The following RASA2 variants were observed in gnomAD, a reference collection of about 807,000 sequenced individuals.
RASA2 encodes ras GTPase-activating protein 2.
RASA2 carries 155 observed loss-of-function variants against 118.2 expected under a neutral mutation model. The observed-to-expected ratio is 1.31, with a 90% confidence interval of 1.15 to 1.50. RASA2 has a LOEUF of 1.50. RASA2 is among the 40% of genes most tolerant of loss of function. RASA2 has a pLI of 0.00. For missense variants in RASA2, 1,016 were observed against 1,009.6 expected (o/e 1.01, Z -0.09); for synonymous variants, 353 against 349.1 (o/e 1.01, Z -0.12).
intron 1 of RASA2, among the ~76,000 whole-genome samples, chr3:141,501,112 T>C (rs2081772388): frequency 6.6e-6 from 1 of 152,234 alleles, no homozygotes; most frequent in Non-Finnish European, 1.5e-5. Flanking sequence ...TTCTAGATGG[T>C]CACAAATTAT....
chr3:141,495,635 G>A (rs1327125856), intron 1 of RASA2, among the ~76,000 whole-genome samples: 1 of 152,164 alleles, frequency 6.6e-6, no homozygotes, highest in African/African-American at 2.4e-5. Context: ...AATTGATAAA[G>A]CAATGTTGGA....
chr3:141,555,606 T>C lies in RASA2; in HGVS notation c.612-234T>C, dbSNP rs550744374. On this transcript the variant is annotated intron_variant, in intron 6 of 23. Transcript: ENST00000286364. ...CCTGAAAAAGGTTGGCAATCTAGTG[T>C]GTCCGTAGAGAGAATAATACAATCT... 2.6e-5 allele frequency among the ~76,000 whole-genome samples: 4 copies of C among 151,656 alleles called. No individual in the cohort carries two copies. The East Asian group carries it at 7.7e-4, about 29-fold the overall frequency.
chr3:141,536,759 T>G (rs1170710685), intron 4 of RASA2, among the ~76,000 whole-genome samples: 1 of 150,438 alleles, frequency 6.6e-6, no homozygotes, highest in Non-Finnish European at 1.5e-5. Flanking sequence ...CCTTGTTAGA[T>G]TCTTTTTTTT....
intron 3 of RASA2, among the ~76,000 whole-genome samples, chr3:141,518,701 C>G (rs1484160294): frequency 6.6e-6 from 1 of 151,544 alleles, no homozygotes; most frequent in Non-Finnish European, 1.5e-5. Flanking sequence ...TCATTTTAAT[C>G]AAATAACCTT....
chr3:141,580,974 C>A, intron 16 of RASA2, 126 bp from the exon 17 acceptor site: 1 of 1,037,858 alleles, frequency 9.6e-7, no homozygotes, highest in Non-Finnish European at 1.3e-6. Context: ...CCACTCCAAG[C>A]CCTGAACTCT....
At chr3:141,553,466 T>G (rs549233004) in intron 5 of RASA2, among the ~76,000 whole-genome samples, 1 of 152,246 alleles carries the variant, frequency 6.6e-6, no homozygotes, top group Admixed American at 6.5e-5. Context: ...TACTTGCCCA[T>G]TAAGCATCCC....
rs1035787818 is a variant in RASA2, at chr3:141,577,026, G to A, written c.1510G>A (p.Val504Met). Residue 504 changes from valine to methionine, a missense_variant, in exon 15 of 24, where the codon GTG becomes ATG. This residue lies in a region of RASA2 where 896 missense variants were observed against 836.4 expected (regional missense o/e 1.07). Transcript: ENST00000286364. ...TGACCCTCATGTTCAGTATTCTGCA[G>A]TGAGCAGCTTTGTATTTCTTCGTTT... ...PNDPHVQYSA[V>M]SSFVFLRFFA... is the part of the protein sequence containing the mutation. 3 of 1,610,204 alleles carry A rather than the reference G, an allele frequency of 1.9e-6. No individual in the cohort carries two copies. In the Admixed American group the frequency reaches 5.0e-5, roughly 27 times the overall value.
intron 7 of RASA2, among the ~76,000 whole-genome samples, chr3:141,558,596 A>G (rs1029717649): frequency 6.6e-6 from 1 of 152,136 alleles, no homozygotes; most frequent in African/African-American, 2.4e-5. Flanking sequence ...CAGTTTTCAG[A>G]TTTGTCTAAG....
intron 7 of RASA2, among the ~76,000 whole-genome samples, chr3:141,558,246 G>T (rs545051413): frequency 2.0e-5 from 3 of 152,184 alleles, no homozygotes; most frequent in East Asian, 3.8e-4. Flanking sequence ...TTTGTAGATT[G>T]TACAGCACTG....
At chr3:141,582,926 T>C (rs1399082701) in intron 17 of RASA2, among the ~76,000 whole-genome samples, 2 of 152,216 alleles carry the variant, frequency 1.3e-5, no homozygotes, top group Non-Finnish European at 2.9e-5. Flanking sequence ...AAGGTGACCA[T>C]ATAATTTGAT....
At chr3:141,562,556 G>A (rs2082749102) in intron 9 of RASA2, among the ~76,000 whole-genome samples, 1 of 64,184 alleles carries the variant, frequency 1.6e-5, no homozygotes, top group African/African-American at 6.3e-5. Context: ...CTGGGAGCGG[G>A]AGCTTACAGT....
At chr3:141,591,390 G>T (rs1171077776) in intron 19 of RASA2, among the ~76,000 whole-genome samples, 1 of 152,104 alleles carries the variant, frequency 6.6e-6, no homozygotes, top group Non-Finnish European at 1.5e-5. Context: ...CTACCTCAGT[G>T]TAGCCATTCC....
chr3:141,540,589 A>G lies in RASA2; in HGVS notation c.507A>G (p.Val169=), dbSNP rs1484106036. 3 of 1,612,578 alleles carry G rather than the reference A, an allele frequency of 1.9e-6. No individual in the cohort carries two copies. The highest frequency in any genetic ancestry group is 2.5e-6 in the Non-Finnish European group (3 of 1,178,938). ...LNELITENGT[V]CQQLVVHIKA... ...AACTGATAACGGAGAATGGAACTGT[A>G]TGCCAGCAGCTTGTTGTACAGTAAG... Residue 169 remains valine, a synonymous_variant, in exon 5 of 24, where the codon GTA becomes GTG. Transcript: ENST00000286364.
intron 3 of RASA2, among the ~76,000 whole-genome samples, chr3:141,528,158 C>T (rs1390139321): frequency 2.0e-5 from 3 of 151,612 alleles, no homozygotes; most frequent in Non-Finnish European, 3.0e-5. Flanking sequence ...AGTTACCACT[C>T]GTATTTTTTT....
Position 141,577,075 on chromosome 3 carries a change from C to T in RASA2, c.1559C>T (p.Pro520Leu), listed in dbSNP as rs751975058. ...TTCTTTGCTGTAGCCGTAGTATCAC[C>T]TCATACTTTTCATTTGCGACCTCAT... ...LRFFAVAVVS[P>L]HTFHLRPHHP... Residue 520 changes from proline (P) to leucine (L), a missense_variant, in exon 15 of 24, where the codon CCT (proline) becomes CTT (leucine). Physicochemically the swap from Pro to Leu is moderately conservative, Grantham distance 98 (BLOSUM62 -3). Around this residue, in one of 2 missense-constraint regions of RASA2, gnomAD observed 896 missense variants for 836.4 expected, o/e 1.07. Transcript: ENST00000286364. The T allele has an allele frequency of 2.5e-6, 4 of 1,608,850 alleles. No homozygotes were observed. The highest frequency in any genetic ancestry group is 2.5e-6 in the Non-Finnish European group (3 of 1,176,502).
chr3:141,536,936 G>A (rs1339765259), intron 4 of RASA2, among the ~76,000 whole-genome samples: 6 of 151,698 alleles, frequency 4.0e-5, no homozygotes, highest in East Asian at 3.9e-4. Flanking sequence ...TAGTAGAGAC[G>A]GGGTTTCTCC....
At chr3:141,500,667 T>C (rs1284682816) in intron 1 of RASA2, among the ~76,000 whole-genome samples, 1 of 152,226 alleles carries the variant, frequency 6.6e-6, no homozygotes, top group Admixed American at 6.5e-5. Flanking sequence ...TCATAAAGTA[T>C]CTTTTCATAG....
Position 141,540,393 on chromosome 3 carries a change from A to T in RASA2, c.451-140A>T. Reference sequence around the variant, plus strand: ...TGATCTCTGGTTTTGGTTATTATTCATTTAACAAGTACTTAGTGTAGGCAA... The same window carrying T: ...TGATCTCTGGTTTTGGTTATTATTCTTTTAACAAGTACTTAGTGTAGGCAA... On this transcript the variant is annotated intron_variant, in intron 4 of 23. Coordinates refer to ENST00000286364, the MANE Select transcript of RASA2 (RefSeq NM_006506.5). 1.4e-5 allele frequency: 7 copies of T among 505,808 alleles called. No individual in the cohort carries two copies. The South Asian group carries it at 2.8e-4, about 20-fold the overall frequency. The allele number at this position is 505,808 out of a possible 1,614,324, so 31.3% of individuals were successfully genotyped here.
intron 19 of RASA2, among the ~76,000 whole-genome samples, chr3:141,604,021 A>C (rs1385693293): frequency 6.6e-6 from 1 of 152,232 alleles, no homozygotes; most frequent in Non-Finnish European, 1.5e-5. Flanking sequence ...GTTTTTGGCT[A>C]TTATGAACAA....
Sources: allele counts gnomAD v4.1 joint callset (sites outside exome capture counted in the v4.1 genomes callset), GRCh38; gene constraint gnomAD v4.1.1; regional missense constraint gnomAD v4.1.1; transcripts MANE v1.5; gene names NCBI Gene and HGNC (gene_info 2026-07-23, HGNC 2026-07-21).